UTP14A: variants seen among roughly 807,000 people sequenced by gnomAD.
UTP14A encodes UTP14A small subunit processome component.
UTP14A carries 5 observed loss-of-function variants against 57.2 expected under a neutral mutation model. That is an observed-to-expected ratio of 0.09 (90% CI 0.05 to 0.18). The LOEUF (loss-of-function observed/expected upper bound fraction) is 0.18, where lower values mean the gene tolerates loss of function less well. Ranked by LOEUF, UTP14A falls within the 10% of genes least tolerant of loss-of-function variation. The pLI, the probability that UTP14A is intolerant of heterozygous loss-of-function variation, is 1.00. For missense variants in UTP14A, 430 were observed against 562.1 expected (o/e 0.76, Z 2.38); for synonymous variants, 169 against 210.9 (o/e 0.80, Z 1.72).
intron 3 of UTP14A, 115 bp from the exon 4 acceptor site, chrX:129,908,555 T>C: frequency 1.4e-6 from 1 of 730,632 alleles, no homozygotes; most frequent in Admixed American, 2.4e-5. Context: ...AACATGACCC[T>C]AGAAGAAATA....
At position 129,906,225 on chromosome X, in the gene UTP14A, G is replaced by A. The variant is rs772201553; in HGVS notation, c.15G>A (p.Arg5=). The change falls in exon 1 of 15, where the codon CGG becomes CGA. Residue 5 remains arginine, a synonymous_variant. Transcript: ENST00000394422. The part of the protein sequence containing the change: MTAN[R]LAESLLALSQ... ...TGGCTGCTGAAATGACTGCGAACCGGCTTGCAGAGAGGTGAAGGGCAACGA... is the reference window on the plus strand; with the variant it reads ...TGGCTGCTGAAATGACTGCGAACCGACTTGCAGAGAGGTGAAGGGCAACGA... 4 of 1,209,882 alleles carry A rather than the reference G, an allele frequency of 3.3e-6. No individual in the cohort carries two copies. In the South Asian group the frequency reaches 7.0e-5, roughly 21 times the overall value.
intron 6 of UTP14A, among the ~76,000 whole-genome samples, chrX:129,913,682 T>C (rs1433309873): frequency 8.9e-6 from 1 of 112,327 alleles, no homozygotes; most frequent in African/African-American, 3.2e-5. Context: ...CCAAGTTTGT[T>C]ATTAAAAACG....
intron 6 of UTP14A, among the ~76,000 whole-genome samples, chrX:129,914,136 AATT>A (rs1329645822): frequency 4.5e-5 from 5 of 112,048 alleles, no homozygotes; most frequent in African/African-American, 1.6e-4. Flanking sequence ...ACTTTTGAGA[AATT>A]ATGCTAGTAG....
rs766579496 is a variant in UTP14A at position 129,925,121 on chromosome X, A to G, written c.1675A>G (p.Ile559Val). The part of the protein sequence containing the change: ...PKEKKKKEQM[I>V]DLQNLLTTQS... ...GGAGAAGAAAAAGAAGGAGCAAATGATCGACCTACAGAACCTCCTAACCAC... is the reference window on the plus strand; with the variant it reads ...GGAGAAGAAAAAGAAGGAGCAAATGGTCGACCTACAGAACCTCCTAACCAC... Residue 559 changes from isoleucine (I) to valine (V), a missense_variant, in exon 12 of 15, where the codon ATC becomes GTC. Physicochemically the swap from Ile to Val is conservative, Grantham distance 29. Around this residue, in one of 4 missense-constraint regions of UTP14A, gnomAD observed 120 missense variants for 116.8 expected, o/e 1.03. Transcript: ENST00000394422. 8.3e-6 allele frequency: 10 copies of G among 1,209,929 alleles called. No individual in the cohort carries two copies. The highest frequency in any genetic ancestry group is 1.1e-5 in the Non-Finnish European group (10 of 895,274).
At chrX:129,907,817 G>A (rs1272558775) in intron 2 of UTP14A, among the ~76,000 whole-genome samples, 4 of 111,254 alleles carry the variant, frequency 3.6e-5, no homozygotes, top group East Asian at 5.6e-4. Flanking sequence ...TTAGCCAGGC[G>A]TGGTGGCAGG....
At chrX:129,909,850 T>A (rs1231057583) in intron 4 of UTP14A, among the ~76,000 whole-genome samples, 1 of 112,157 alleles carries the variant, frequency 8.9e-6, no homozygotes, top group African/African-American at 3.2e-5. Context: ...TGTAGCCTCC[T>A]AGGGCAAATA....
Position 129,916,232 on chromosome X carries a change from G to C in UTP14A, c.538-2943G>C, listed in dbSNP as rs148857527. On this transcript the variant is annotated intron_variant, in intron 6 of 14. Coordinates refer to ENST00000394422, the MANE Select transcript of UTP14A (RefSeq NM_006649.4). The stretch of plus-strand genomic sequence containing the variant: ...GCCTCCCAGAATGCTGGGATTACAG[G>C]AGTGAAAATTTCATAACTTTCGACT... Among the ~76,000 whole-genome samples, 543 of 111,032 alleles carry C rather than the reference G, an allele frequency of 4.9e-3. 1 individual carries two copies. Among genetic ancestry groups the C allele is most frequent in the African/African-American group, 0.016 (494 of 30,592 alleles).
intron 11 of UTP14A, 106 bp downstream of exon 11, chrX:129,921,693 C>T (rs1385648643): frequency 1.1e-5 from 10 of 886,092 alleles, no homozygotes; most frequent in African/African-American, 2.0e-5. Context: ...AGTGATTAGG[C>T]GCTGGGGACT....
intron 12 of UTP14A, 118 bp from the exon 13 acceptor site, chrX:129,925,801 T>C (rs1930082515): frequency 1.1e-6 from 1 of 901,635 alleles, no homozygotes; most frequent in Non-Finnish European, 1.5e-6. Flanking sequence ...CGCAAGACCA[T>C]CATTGTTCAG....
intron 5 of UTP14A, 56 bp from the exon 6 acceptor site, chrX:129,911,710 G>A: frequency 5.9e-6 from 7 of 1,178,521 alleles, no homozygotes; most frequent in South Asian, 1.8e-5. Flanking sequence ...TTAGTCCTTT[G>A]GGTTTGATGC....
At position 129,920,469 on chromosome X, in the gene UTP14A, C is replaced by T. The variant is rs774456234; in HGVS notation, c.765C>T (p.Val255=). 3.3e-6 allele frequency: 4 copies of T among 1,210,366 alleles called. No individual in the cohort carries two copies. Among genetic ancestry groups the T allele is most frequent in the African/African-American group, 1.7e-5 (1 of 57,280 alleles). ...KKIKSKKYHK[V]VKKGKAKKAL... is the part of the protein sequence containing the mutation. ...CCTACCCCTACAGGTATCACAAAGT[C>T]GTGAAGAAAGGAAAGGCCAAGAAAG... Residue 255 remains valine (V), a synonymous_variant, in exon 9 of 15, where the codon GTC becomes GTT. Transcript: ENST00000394422.
At chrX:129,925,313 A>G (rs751522392) in intron 12 of UTP14A, 118 bp downstream of exon 12, 3 of 954,950 alleles carry the variant, frequency 3.1e-6, no homozygotes, top group African/African-American at 3.9e-5. Flanking sequence ...AGAATAGTAT[A>G]GGGCCAGGCT....
At chrX:129,921,719 ACTGGATCC>A (rs1929924359) in intron 11 of UTP14A, 132 bp downstream of exon 11, 1 of 654,592 alleles carries the variant, frequency 1.5e-6, no homozygotes. Flanking sequence ...GAGTGCGTAC[ACTGGATCC>A]CTGAAGAGAA....
In UTP14A at chrX:129,929,653, T is replaced by C. The variant is rs749166651; in HGVS notation, c.*45T>C. On this transcript the variant is annotated 3_prime_UTR_variant, in exon 15 of 15. Coordinates refer to ENST00000394422, the MANE Select transcript of UTP14A (RefSeq NM_006649.4). ...CCAGGAGCCCTGACTTCACTTCCTTTGGTCCAGTTTTACTCTGATACAGGG... is the reference window on the plus strand; with the variant it reads ...CCAGGAGCCCTGACTTCACTTCCTTCGGTCCAGTTTTACTCTGATACAGGG... 4 of 1,187,128 alleles carry C rather than the reference T, an allele frequency of 3.4e-6. No homozygotes were observed. Among genetic ancestry groups the C allele is most frequent in the Non-Finnish European group, 3.4e-6 (3 of 879,696 alleles).
chrX:129,912,453 C>T lies in UTP14A; in HGVS notation c.537+532C>T, dbSNP rs1929516641. Among the ~76,000 whole-genome samples, 5 of 109,706 alleles carry T rather than the reference C, an allele frequency of 4.6e-5. No homozygotes were observed. The Admixed American group carries it at 5.0e-4, about 11-fold the overall frequency. On this transcript the variant is annotated intron_variant, in intron 6 of 14. Coordinates refer to ENST00000394422, the MANE Select transcript of UTP14A (RefSeq NM_006649.4). ...TCACTTTTCATCTGCTTGTAGTATA[C>T]AGTACTTGCTATTTCCATGTTTTTG...
intron 6 of UTP14A, chrX:129,913,219 A>G (rs767213022): frequency 1.1e-5 from 3 of 269,258 alleles, no homozygotes; most frequent in African/African-American, 8.5e-5. Context: ...ATTGCTTGCC[A>G]CAATAGCTAG....
At chrX:129,911,267 C>T in intron 5 of UTP14A, 117 bp downstream of exon 5, 2 of 951,367 alleles carry the variant, frequency 2.1e-6, no homozygotes, top group Non-Finnish European at 2.9e-6. Context: ...TTGTGATTTC[C>T]CCACTATGGA....
intron 12 of UTP14A, 145 bp downstream of exon 12, chrX:129,925,340 T>TA: frequency 1.2e-6 from 1 of 813,643 alleles, no homozygotes; most frequent in Non-Finnish European, 1.7e-6. Flanking sequence ...AGTGACGTTT[T>TA]AATAGATGCA....
chrX:129,927,637 G>A (rs1443614290), intron 14 of UTP14A, among the ~76,000 whole-genome samples: 1 of 111,707 alleles, frequency 9.0e-6, no homozygotes, highest in Non-Finnish European at 1.9e-5. Context: ...CTCCTGAGTA[G>A]CTGGGATTAC....
Sources: gnomAD v4.1 joint callset for allele counts (sites outside exome capture counted in the v4.1 genomes callset) on GRCh38, gnomAD v4.1.1 for gene constraint, gnomAD v4.1.1 regional missense constraint, MANE v1.5 for transcripts, NCBI Gene and HGNC (gene_info 2026-07-23, HGNC 2026-07-21) for gene names.